The following EFCAB5 variants were observed in gnomAD, a reference collection of about 807,000 sequenced individuals.
EFCAB5 encodes EF-hand calcium binding domain 5.
Under a neutral mutation model 167.9 loss-of-function variants are expected in EFCAB5, and 131 were observed. The ratio of observed to expected loss-of-function variants is 0.78; its 90% CI spans 0.68 to 0.90. The LOEUF is 0.90. Among genes scored for constraint, EFCAB5 ranks in the 40% least tolerant of loss-of-function variants. The probability of loss-of-function intolerance (pLI) is 0.00; values close to 1 mark genes in which losing one functional copy is unlikely to be tolerated. For missense variants in EFCAB5, 1,663 were observed against 1,745.2 expected, an observed-to-expected ratio of 0.95 and a Z score of 0.84; for synonymous variants, 574 against 602.8, an observed-to-expected ratio of 0.95 and a Z score of 0.70.
chr17:29,945,161 A>G (rs1413292090), intron 3 of EFCAB5, among the ~76,000 whole-genome samples: 2 of 152,174 alleles, frequency 1.3e-5, no homozygotes, highest in African/African-American at 2.4e-5. Context: ...AATATTTAAA[A>G]TTTAATAATT....
At chr17:30,079,300 T>C (rs963287260) in intron 15 of EFCAB5, among the ~76,000 whole-genome samples, 3 of 151,984 alleles carry the variant, frequency 2.0e-5, no homozygotes, top group Non-Finnish European at 4.4e-5. Flanking sequence ...CTAAGAGAAA[T>C]CTCGCTACAT....
intron 4 of EFCAB5, 142 bp from the exon 5 acceptor site, chr17:29,993,023 G>GGCTC (rs1276301634): frequency 1.4e-6 from 1 of 701,056 alleles, no homozygotes; most frequent in Non-Finnish European, 2.1e-6. Flanking sequence ...GTGGAAGAAG[G>GGCTC]GCTCACTACA....
chr17:29,978,384 G>A (rs551476454), intron 4 of EFCAB5, among the ~76,000 whole-genome samples: 87 of 152,306 alleles, frequency 5.7e-4, no homozygotes, highest in Non-Finnish European at 9.6e-4. Flanking sequence ...TTCTACTCTT[G>A]TTCAACCTGA....
intron 8 of EFCAB5, among the ~76,000 whole-genome samples, chr17:30,040,914 C>T (rs1236252668): frequency 1.3e-5 from 2 of 152,174 alleles, no homozygotes; most frequent in East Asian, 1.9e-4. Context: ...TTAAACCTTT[C>T]GTAAGCAACT....
rs1265525636 is a variant in EFCAB5, at chr17:30,082,942, C to T, written c.3478C>T (p.His1160Tyr). ...CTATCACTACGTCCACAGCCGGGAG[C>T]ACATTCTGCATATTGTGATCACTGG... ...TAYHYVHSRE[H>Y]ILHIVITGIG... The change falls in exon 18 of 23, where the codon CAC becomes TAC. Residue 1160 changes from histidine to tyrosine, a missense_variant. Coordinates refer to ENST00000394835, the MANE Select transcript of EFCAB5 (RefSeq NM_198529.4). 1.2e-6 allele frequency: 2 copies of T among 1,613,836 alleles called. No individual in the cohort carries two copies. Among genetic ancestry groups the T allele is most frequent in the Non-Finnish European group, 1.7e-6 (2 of 1,179,896 alleles).
chr17:30,081,006 C>T (rs764542672), intron 17 of EFCAB5, 25 bp downstream of exon 17: 10 of 1,571,188 alleles, frequency 6.4e-6, no homozygotes, highest in South Asian at 1.1e-5. Flanking sequence ...TCTTCAAGAG[C>T]GATGGTAGGA....
chr17:30,022,935 G>T (rs1266016396), intron 7 of EFCAB5, among the ~76,000 whole-genome samples: 1 of 151,944 alleles, frequency 6.6e-6, no homozygotes, highest in Non-Finnish European at 1.5e-5. Flanking sequence ...TGACTACTGG[G>T]TACATAACGA....
chr17:29,949,333 C>G (rs1457189372), intron 3 of EFCAB5, among the ~76,000 whole-genome samples: 2 of 152,070 alleles, frequency 1.3e-5, no homozygotes, highest in Non-Finnish European at 2.9e-5. Flanking sequence ...ACTCATAGTG[C>G]CTGGATAGTT....
chr17:30,043,694 A>T (rs2069839111), intron 8 of EFCAB5, among the ~76,000 whole-genome samples: 1 of 152,234 alleles, frequency 6.6e-6, no homozygotes. Flanking sequence ...CAGGCTGAAA[A>T]CTATGAAATT....
At chr17:30,023,904 C>CTTATTT (rs2069247522) in intron 7 of EFCAB5, among the ~76,000 whole-genome samples, 1 of 152,078 alleles carries the variant, frequency 6.6e-6, no homozygotes, top group East Asian at 1.9e-4. Flanking sequence ...TGTAATCCAG[C>CTTATTT]ATATAAACAG....
rs145221517 is a variant in EFCAB5, at chr17:30,039,703, A to G, written c.1200+5318A>G. 8.9e-3 allele frequency among the ~76,000 whole-genome samples: 1,353 copies of G among 152,262 alleles called. 28 individuals are homozygous for G. Among genetic ancestry groups the G allele is most frequent in the African/African-American group, 0.031 (1,288 of 41,564 alleles). On this transcript the variant is annotated intron_variant, in intron 8 of 22. Coordinates refer to ENST00000394835, the MANE Select transcript of EFCAB5 (RefSeq NM_198529.4). ...TACTAAAGGGATTGCCCCTGCCCCA[A>G]TTGTCAATCCCACCAGTGTAACCCA... is the stretch of plus-strand genomic sequence containing the variant.
intron 8 of EFCAB5, among the ~76,000 whole-genome samples, chr17:30,038,204 G>A (rs1054357689): frequency 2.0e-5 from 3 of 152,180 alleles, no homozygotes; most frequent in Non-Finnish European, 4.4e-5. Context: ...AGCTTCAAAG[G>A]CCTAGCAGAC....
chr17:29,982,370 G>T (rs938827882), intron 4 of EFCAB5, among the ~76,000 whole-genome samples: 1 of 152,016 alleles, frequency 6.6e-6, no homozygotes. Flanking sequence ...TCCAGCCTAG[G>T]TGACAGAGCA....
In EFCAB5 at chr17:30,026,696, A is replaced by C. The variant is rs146072367; in HGVS notation, c.1045-7534A>C. On this transcript the variant is annotated intron_variant, in intron 7 of 22. Transcript: ENST00000394835. Reference sequence around the variant, plus strand: ...GTTTCACCTTCCCATCCTTGATGATAAGAATATTGCTTTCCTTCTAGTATA... The same window carrying C: ...GTTTCACCTTCCCATCCTTGATGATCAGAATATTGCTTTCCTTCTAGTATA... Among the ~76,000 whole-genome samples, 153 of 152,216 alleles carry C rather than the reference A, an allele frequency of 1.0e-3. 1 individual carries two copies. Among genetic ancestry groups the C allele is most frequent in the African/African-American group, 3.6e-3 (149 of 41,538 alleles).
intron 7 of EFCAB5, among the ~76,000 whole-genome samples, chr17:30,024,855 A>G (rs1322933596): frequency 4.6e-5 from 7 of 152,250 alleles, no homozygotes; most frequent in African/African-American, 1.7e-4. Flanking sequence ...AATGGAACAG[A>G]ACAGAGCCCT....
chr17:30,053,905 T>C lies in EFCAB5; in HGVS notation c.1951T>C (p.Ser651Pro), dbSNP rs1297339596. Residue 651 changes from serine (S) to proline (P), a missense_variant, in exon 10 of 23, where the codon TCA becomes CCA. By Grantham distance (74) the Ser-to-Pro change is moderately conservative. Coordinates refer to ENST00000394835, the MANE Select transcript of EFCAB5 (RefSeq NM_198529.4). ...ESVIEEPYQK[S>P]EQGPYGEIIS... ...AGTAATAGAAGAACCATACCAAAAA[T>C]CAGAACAAGGACCTTATGGAGAGAT... The C allele has an allele frequency of 1.2e-6, 2 of 1,613,592 alleles. No homozygotes were observed. Among genetic ancestry groups the C allele is most frequent in the Non-Finnish European group, 1.7e-6 (2 of 1,179,848 alleles).
At chr17:30,051,358 G>C in intron 9 of EFCAB5, 141 bp downstream of exon 9, 1 of 630,774 alleles carries the variant, frequency 1.6e-6, no homozygotes, top group South Asian at 2.8e-5. Flanking sequence ...CTTAGATCAT[G>C]ATAACTGTAT....
At chr17:30,069,014 A>G (rs992389922) in intron 14 of EFCAB5, 1 of 1,410,576 alleles carries the variant, frequency 7.1e-7, no homozygotes, top group African/African-American at 1.4e-5. Flanking sequence ...CAAGTGAAGG[A>G]GCACAGGACT....
At chr17:30,070,526 A>G (rs2070704626) in intron 14 of EFCAB5, among the ~76,000 whole-genome samples, 1 of 152,248 alleles carries the variant, frequency 6.6e-6, no homozygotes, top group African/African-American at 2.4e-5. Flanking sequence ...ACCCAGAAAG[A>G]AATCCATATA....
Sources: allele counts gnomAD v4.1 joint callset (sites outside exome capture counted in the v4.1 genomes callset), GRCh38; gene constraint gnomAD v4.1.1; transcripts MANE v1.5; gene names NCBI Gene and HGNC (gene_info 2026-07-23, HGNC 2026-07-21).